The following ENOX1 variants were observed in gnomAD, a reference collection of about 807,000 sequenced individuals.
ENOX1 encodes the protein ecto-NOX disulfide-thiol exchanger 1.
In ENOX1, 42 loss-of-function variants were observed where a neutral mutation model predicts 82.5. The observed-to-expected ratio is 0.51, with a 90% CI of 0.40 to 0.66. ENOX1 has a LOEUF of 0.66. Among genes scored for constraint, ENOX1 ranks in the 30% least tolerant of loss-of-function variants. ENOX1 has a pLI of 0.00. For missense variants in ENOX1, 608 were observed against 811.6 expected, an observed-to-expected ratio of 0.75 and a Z score of 3.05; for synonymous variants, 271 against 282.2, an observed-to-expected ratio of 0.96 and a Z score of 0.40.
chr13:43,719,688 G>A lies in ENOX1; in HGVS notation c.-284-52144C>T, dbSNP rs192100475. 1.2e-4 allele frequency among the ~76,000 whole-genome samples: 18 copies of A among 151,852 alleles called. 1 individual carries two copies. The highest frequency in any genetic ancestry group is 2.4e-4 in the Non-Finnish European group (16 of 67,990). On this transcript the variant is annotated intron_variant, in intron 1 of 16. Coordinates refer to ENST00000690772, the MANE Select transcript of ENOX1 (RefSeq NM_001347969.2). The stretch of plus-strand genomic sequence containing the variant: ...TAGCGCACCAAGTGTGGACAGTCTC[G>A]GAACATGCAATGGAGCACCAGAACC...
rs543146403 is a variant in ENOX1, at chr13:43,767,069, A to G, written c.-285+19583T>C. On this transcript the variant is annotated intron_variant, in intron 1 of 16. Transcript: ENST00000690772. ...GAGCACAGGCATCTTGAATTAGCAG[A>G]GAACTATTTTTAACACATGAAGGAT... 2.0e-5 allele frequency among the ~76,000 whole-genome samples: 3 copies of G among 152,324 alleles called. No individual in the cohort carries two copies. In the South Asian group the frequency reaches 6.2e-4, roughly 32 times the overall value.
At chr13:43,387,186 A>C (rs1257951990) in intron 5 of ENOX1, among the ~76,000 whole-genome samples, 1 of 152,216 alleles carries the variant, frequency 6.6e-6, no homozygotes, top group Non-Finnish European at 1.5e-5. Flanking sequence ...CATAATCAAA[A>C]GGTAAAGAAA....
intron 12 of ENOX1, among the ~76,000 whole-genome samples, chr13:43,287,786 A>C (rs1265893130): frequency 6.6e-6 from 1 of 152,200 alleles, no homozygotes; most frequent in African/African-American, 2.4e-5. Flanking sequence ...AAGTGCTCTG[A>C]AAAGTCCCAA....
intron 2 of ENOX1, among the ~76,000 whole-genome samples, chr13:43,524,218 T>C (rs1418938375): frequency 6.6e-6 from 1 of 152,144 alleles, no homozygotes; most frequent in South Asian, 2.1e-4. Context: ...ATGGTCTTCA[T>C]AGAGACAATT....
At chr13:43,503,902 G>A (rs1186696928) in intron 2 of ENOX1, among the ~76,000 whole-genome samples, 2 of 151,590 alleles carry the variant, frequency 1.3e-5, no homozygotes, top group Non-Finnish European at 3.0e-5. Flanking sequence ...AAATGAAAAG[G>A]TAACTTACAA....
chr13:43,670,150 G>A (rs2085188538), intron 1 of ENOX1, among the ~76,000 whole-genome samples: 1 of 152,122 alleles, frequency 6.6e-6, no homozygotes, highest in South Asian at 2.1e-4. Flanking sequence ...CACACAAAGA[G>A]CCTCATTTAA....
chr13:43,256,651 CAA>C (rs1232086563), intron 14 of ENOX1, among the ~76,000 whole-genome samples: 1 of 151,900 alleles, frequency 6.6e-6, no homozygotes, highest in East Asian at 1.9e-4. Context: ...ATCAAAAAGA[CAA>C]AAAATAATGG....
chr13:43,294,082 T>G (rs982106476), intron 12 of ENOX1, among the ~76,000 whole-genome samples: 4 of 152,162 alleles, frequency 2.6e-5, no homozygotes, highest in Non-Finnish European at 4.4e-5. Context: ...CTTACTAATG[T>G]CAAGCTAAGA....
chr13:43,422,797 G>A (rs976780096), intron 3 of ENOX1, among the ~76,000 whole-genome samples: 4 of 152,230 alleles, frequency 2.6e-5, no homozygotes, highest in African/African-American at 9.6e-5. Context: ...ACAAATATAA[G>A]TGTAGAGACA....
intron 12 of ENOX1, among the ~76,000 whole-genome samples, chr13:43,277,256 G>A (rs2045099906): frequency 6.6e-6 from 1 of 152,114 alleles, no homozygotes; most frequent in South Asian, 2.1e-4. Flanking sequence ...CATTCTCATT[G>A]CTAGGCAGAA....
chr13:43,571,400 C>G (rs374314659), intron 2 of ENOX1, among the ~76,000 whole-genome samples: 1 of 152,012 alleles, frequency 6.6e-6, no homozygotes, highest in Non-Finnish European at 1.5e-5. Flanking sequence ...AAAAGTAGGC[C>G]GGGCGCGGTG....
rs986753821 is a variant in ENOX1 at position 43,626,976 on chromosome 13, G to A, written c.-219+40503C>T. Reference sequence around the variant, plus strand: ...TCACGTATTTTGTAGCTGTTGTCTCGTGCATTAACATTTAGAATTGCAATA... The same window carrying A: ...TCACGTATTTTGTAGCTGTTGTCTCATGCATTAACATTTAGAATTGCAATA... On this transcript the variant is annotated intron_variant, in intron 2 of 16. Transcript: ENST00000690772. Among the ~76,000 whole-genome samples, 11 of 151,830 alleles carry A rather than the reference G, an allele frequency of 7.2e-5. No homozygotes were observed. In the East Asian group the frequency reaches 7.7e-4, roughly 11 times the overall value.
intron 11 of ENOX1, among the ~76,000 whole-genome samples, chr13:43,311,929 A>C (rs776297276): frequency 3.9e-5 from 6 of 152,232 alleles, no homozygotes; most frequent in Non-Finnish European, 1.5e-5. Context: ...ACACTAGAAA[A>C]GTCTAGTATT....
chr13:43,320,367 G>T (rs1038663686), intron 11 of ENOX1, among the ~76,000 whole-genome samples: 2 of 152,154 alleles, frequency 1.3e-5, no homozygotes, highest in East Asian at 3.9e-4. Context: ...CATTAATTCT[G>T]CTGACCAAGT....
chr13:43,551,959 C>T (rs76908186), intron 2 of ENOX1, among the ~76,000 whole-genome samples: 1 of 152,180 alleles, frequency 6.6e-6, no homozygotes, highest in East Asian at 1.9e-4. Context: ...AGCTGGGTTT[C>T]GTTCTCAGCT....
intron 2 of ENOX1, among the ~76,000 whole-genome samples, chr13:43,485,170 A>T (rs2076370524): frequency 6.6e-6 from 1 of 152,108 alleles, no homozygotes. Flanking sequence ...CTCTAGTTGG[A>T]TTTCCATTCT....
chr13:43,786,533 C>T lies in ENOX1; in HGVS notation c.-285+119G>A, dbSNP rs1952639693. On this transcript the variant is annotated intron_variant, in intron 1 of 16. Transcript: ENST00000690772. The surrounding 1 kb of genome is among the most constrained non-coding windows in gnomAD (Gnocchi z 6.0). ...GCCTCACCTCTAGCTCCACTCCCCTCCCCCCTCGCCCACTCCCCTCTCAGT... is the reference window on the plus strand; with the variant it reads ...GCCTCACCTCTAGCTCCACTCCCCTTCCCCCTCGCCCACTCCCCTCTCAGT... 1 of 152,464 alleles carries T rather than the reference C, an allele frequency of 6.6e-6. No homozygotes were observed. The highest frequency in any genetic ancestry group is 1.5e-5 in the Non-Finnish European group (1 of 68,368). 9.4% of individuals were successfully genotyped at this position (152,464 alleles called of 1,614,324 possible).
At chr13:43,440,589 C>T (rs1004305772) in intron 3 of ENOX1, among the ~76,000 whole-genome samples, 1 of 152,044 alleles carries the variant, frequency 6.6e-6, no homozygotes, top group Admixed American at 6.5e-5. Context: ...CTACTACTTT[C>T]GCATGTATCA....
At chr13:43,325,926 C>T (rs1237988933) in intron 10 of ENOX1, among the ~76,000 whole-genome samples, 1 of 152,088 alleles carries the variant, frequency 6.6e-6, no homozygotes, top group Non-Finnish European at 1.5e-5. Context: ...TATTCACTCC[C>T]CTTACAACAT....
Sources: gnomAD v4.1 joint callset for allele counts (sites outside exome capture counted in the v4.1 genomes callset) on GRCh38, gnomAD v4.1.1 for gene constraint, Gnocchi (gnomAD v3.1) non-coding constraint, MANE v1.5 for transcripts, NCBI Gene and HGNC (gene_info 2026-07-23, HGNC 2026-07-21) for gene names.